ASTN2: variants seen among roughly 807,000 people sequenced by gnomAD.
ASTN2 encodes the protein astrotactin 2.
In ASTN2, 54 loss-of-function variants were observed where a neutral mutation model predicts 139.8. The ratio of observed to expected loss-of-function variants is 0.39; its 90% confidence interval spans 0.31 to 0.48. The LOEUF is 0.48. Ranked by LOEUF, ASTN2 falls within the 20% of genes least tolerant of loss-of-function variation. ASTN2 has a pLI of 0.95. For missense variants in ASTN2, 1,565 were observed against 1,725.1 expected (o/e 0.91, Z 1.64); for synonymous variants, 756 against 719.5 (o/e 1.05, Z -0.81).
chr9:117,214,417 G>T lies in ASTN2; in HGVS notation c.956C>A (p.Thr319Asn), dbSNP rs1832241298. 1 of 1,613,978 alleles carries T rather than the reference G, an allele frequency of 6.2e-7. No homozygotes were observed. Among genetic ancestry groups the T allele is most frequent in the Non-Finnish European group, 8.5e-7 (1 of 1,179,866 alleles). The change falls in exon 3 of 23, where the codon ACC (threonine) becomes AAC (asparagine). Residue 319 changes from threonine (T) to asparagine (N), a missense_variant. Thr to Asn is a moderately conservative substitution (Grantham distance 65). This residue lies in a region of ASTN2 where 596 missense variants were observed against 576.8 expected (regional missense o/e 1.03). Coordinates refer to ENST00000313400, the MANE Select transcript of ASTN2 (RefSeq NM_001365068.1). ...ATGTCCCAGACTGTCCAGAGTGTGG[G>T]TCACCTGGCTGCCAAACTCGTCCTC... ...SREDEFGSQV[T>N]HTLDSLGHPG...
intron 13 of ASTN2, among the ~76,000 whole-genome samples, chr9:116,745,922 A>G (rs897366392): frequency 2.0e-5 from 3 of 152,150 alleles, no homozygotes; most frequent in East Asian, 1.9e-4. Context: ...GAAGTCTGAC[A>G]TGGGATTCTG....
chr9:116,597,876 C>T (rs1051664134), intron 19 of ASTN2, among the ~76,000 whole-genome samples: 3 of 152,066 alleles, frequency 2.0e-5, no homozygotes, highest in Non-Finnish European at 4.4e-5. Flanking sequence ...TCTCCTACAT[C>T]GTTGATGTCA....
intron 19 of ASTN2, among the ~76,000 whole-genome samples, chr9:116,616,744 C>G (rs1855875020): frequency 6.6e-6 from 1 of 151,720 alleles, no homozygotes; most frequent in Non-Finnish European, 1.5e-5. Flanking sequence ...GTTTACAAAC[C>G]TCTGCTATTA....
At chr9:116,703,301 C>A (rs1224293091) in intron 16 of ASTN2, among the ~76,000 whole-genome samples, 1 of 149,570 alleles carries the variant, frequency 6.7e-6, no homozygotes. Flanking sequence ...CTGTTCATGT[C>A]CTTCGCCCAC....
intron 22 of ASTN2, among the ~76,000 whole-genome samples, chr9:116,434,790 C>G (rs1355451990): frequency 6.6e-6 from 1 of 152,166 alleles, no homozygotes; most frequent in African/African-American, 2.4e-5. Context: ...GTCAGTGCGT[C>G]TTCTTTGAGC....
At chr9:116,786,529 C>T (rs951508678) in intron 13 of ASTN2, among the ~76,000 whole-genome samples, 1 of 152,132 alleles carries the variant, frequency 6.6e-6, no homozygotes, top group Non-Finnish European at 1.5e-5. Context: ...ACTACAATCA[C>T]TACTGTTACT....
chr9:116,496,708 AAG>A (rs1849679622), intron 19 of ASTN2, among the ~76,000 whole-genome samples: 1 of 152,220 alleles, frequency 6.6e-6, no homozygotes, highest in Non-Finnish European at 1.5e-5. Flanking sequence ...TTATAAGAAA[AAG>A]AGGTTTAATG....
chr9:116,606,351 CA>C (rs1449841407), intron 19 of ASTN2, among the ~76,000 whole-genome samples: 1 of 152,002 alleles, frequency 6.6e-6, no homozygotes, highest in Non-Finnish European at 1.5e-5. Flanking sequence ...GTGAGCATTT[CA>C]AAAGTTAGTT....
chr9:116,642,132 C>CCAAAAA (rs1554724602), intron 17 of ASTN2, among the ~76,000 whole-genome samples: 4,626 of 48,980 alleles, frequency 0.094, 562 homozygotes, highest in Non-Finnish European at 0.1. Context: ...TCCCAACCCA[C>CCAAAAA]AAAAAAAAAA....
chr9:116,828,221 C>T (rs755990406), intron 11 of ASTN2, among the ~76,000 whole-genome samples: 7 of 148,564 alleles, frequency 4.7e-5, no homozygotes, highest in African/African-American at 1.0e-4. Context: ...TGCTTGAACC[C>T]GGGAGGTGGA....
chr9:116,605,487 G>A (rs1022314159), intron 19 of ASTN2, among the ~76,000 whole-genome samples: 1 of 152,168 alleles, frequency 6.6e-6, no homozygotes, highest in South Asian at 2.1e-4. Flanking sequence ...GCATGGGGGT[G>A]TGGTGAGAAT....
At chr9:116,464,122 T>C (rs1436947791) in intron 20 of ASTN2, among the ~76,000 whole-genome samples, 1 of 151,926 alleles carries the variant, frequency 6.6e-6, no homozygotes, top group Non-Finnish European at 1.5e-5. Context: ...AGTAAACAAA[T>C]TAATGGTTGA....
intron 19 of ASTN2, among the ~76,000 whole-genome samples, chr9:116,603,120 T>A (rs1298968819): frequency 6.6e-6 from 1 of 152,148 alleles, no homozygotes; most frequent in Non-Finnish European, 1.5e-5. Context: ...TGCAGGTGTT[T>A]GACCAAGCAG....
intron 1 of ASTN2, among the ~76,000 whole-genome samples, chr9:117,358,739 A>G (rs1829614779): frequency 2.0e-5 from 3 of 152,176 alleles, no homozygotes; most frequent in Non-Finnish European, 2.9e-5. Context: ...GAGAAATGCA[A>G]TCTCCTCCAG....
chr9:116,996,889 A>G (rs1837038109), intron 7 of ASTN2, among the ~76,000 whole-genome samples: 1 of 152,130 alleles, frequency 6.6e-6, no homozygotes, highest in East Asian at 1.9e-4. Flanking sequence ...TAGAAGACCA[A>G]TATATTTTTT....
At chr9:116,543,095 G>C (rs1404404420) in intron 19 of ASTN2, among the ~76,000 whole-genome samples, 1 of 151,652 alleles carries the variant, frequency 6.6e-6, no homozygotes, top group East Asian at 1.9e-4. Context: ...AGACCATCCG[G>C]CACATTTTTT....
At chr9:117,148,676 AC>A (rs1235661874) in intron 3 of ASTN2, among the ~76,000 whole-genome samples, 3 of 152,192 alleles carry the variant, frequency 2.0e-5, no homozygotes, top group African/African-American at 7.2e-5. Flanking sequence ...AATTTACTAA[AC>A]CATGATATCC....
intron 7 of ASTN2, among the ~76,000 whole-genome samples, chr9:116,993,791 ATATG>A (rs948869337): frequency 4.5e-4 from 66 of 147,194 alleles, no homozygotes; most frequent in Non-Finnish European, 8.5e-4. Flanking sequence ...AGCACTTTAT[ATATG>A]TATGTATGTA....
intron 11 of ASTN2, among the ~76,000 whole-genome samples, chr9:116,842,079 A>G (rs190800084): frequency 6.6e-6 from 1 of 152,294 alleles, no homozygotes; most frequent in African/African-American, 2.4e-5. Flanking sequence ...CTGTGGTGTT[A>G]CAAGTGGTTC....
Sources: allele counts gnomAD v4.1 joint callset (sites outside exome capture counted in the v4.1 genomes callset), GRCh38; gene constraint gnomAD v4.1.1; regional missense constraint gnomAD v4.1.1; transcripts MANE v1.5; gene names NCBI Gene and HGNC (gene_info 2026-07-23, HGNC 2026-07-21).